NCOR2: variants seen among roughly 807,000 people sequenced by gnomAD.
NCOR2 encodes the protein CTG repeat protein 26.
In NCOR2, 81 loss-of-function variants were observed where a neutral mutation model predicts 262.9. The ratio of observed to expected loss-of-function variants is 0.31; its 90% CI spans 0.26 to 0.37. The LOEUF (loss-of-function observed/expected upper bound fraction) is 0.37. Ranked by LOEUF, NCOR2 falls within the 10% of genes least tolerant of loss-of-function variation. The pLI is 1.00. For synonymous variants in NCOR2, 1,659 were observed against 1,559.3 expected (o/e 1.06, Z -1.51); for missense variants, 3,385 against 3,621.4 (o/e 0.93, Z 1.68).
At chr12:124,327,569 G>A (rs2034786956) in exon 45 of NCOR2, 1 of 1,613,586 alleles carries the variant, frequency 6.2e-7, no homozygotes, top group Admixed American at 1.7e-5. Flanking sequence ...TTCTAATTAT[G>A]GCCTCCAGCC....
intron 1 of NCOR2, among the ~76,000 whole-genome samples, chr12:124,519,594 G>T (rs1314746248): frequency 6.6e-6 from 1 of 152,214 alleles, no homozygotes; most frequent in African/African-American, 2.4e-5. Flanking sequence ...TGAGGTCAGG[G>T]AGCTAATAGG....
chr12:124,350,697 C>T, exon 28 of NCOR2: 1 of 1,613,462 alleles, frequency 6.2e-7, no homozygotes, highest in East Asian at 2.2e-5. Flanking sequence ...GCCGATGATC[C>T]TGGTGATGGT....
At chr12:124,480,408 G>A (rs1037541397) in intron 3 of NCOR2, among the ~76,000 whole-genome samples, 8 of 152,218 alleles carry the variant, frequency 5.3e-5, no homozygotes, top group South Asian at 2.1e-4. Context: ...CTGGGGGACT[G>A]AAGCCTCTGG....
chr12:124,537,698 A>AC (rs2051157135), upstream of NCOR2: 1 of 151,428 alleles, frequency 6.6e-6, no homozygotes, highest in Non-Finnish European at 1.5e-5. Flanking sequence ...CATGACTCCT[A>AC]CCCCCACCCA....
At chr12:124,499,276 C>T (rs779426329), upstream of NCOR2, among the ~76,000 whole-genome samples, 19 of 152,344 alleles carry the variant, frequency 1.2e-4, no homozygotes, top group South Asian at 4.1e-4. Context: ...CAGACACAAA[C>T]GCCCCATGTC....
At chr12:124,330,750 C>CGAAG in intron 44 of NCOR2, 95 bp downstream of exon 46, 1 of 1,366,768 alleles carries the variant, frequency 7.3e-7, no homozygotes, top group Non-Finnish European at 1.0e-6. Flanking sequence ...CCCAGACTAG[C>CGAAG]GAAGGCTCCT....
chr12:124,474,493 G>T (rs1377618163), intron 3 of NCOR2, among the ~76,000 whole-genome samples: 2 of 152,138 alleles, frequency 1.3e-5, no homozygotes, highest in Non-Finnish European at 2.9e-5. Context: ...ACCAGCTAAA[G>T]TCTGGTGCAC....
chr12:124,534,686 T>C (rs2051032800), intron 1 of NCOR2, among the ~76,000 whole-genome samples: 1 of 152,134 alleles, frequency 6.6e-6, no homozygotes, highest in African/African-American at 2.4e-5. Context: ...GGCTGGGAAA[T>C]GAGCACTCCG....
chr12:124,494,587 T>C (rs1287213139), intron 1 of NCOR2, among the ~76,000 whole-genome samples: 2 of 152,126 alleles, frequency 1.3e-5, no homozygotes, highest in East Asian at 1.9e-4. Context: ...CCATCTGCCC[T>C]GGCCACAGGG....
At chr12:124,506,887 GT>G (rs2049072238) in intron 1 of NCOR2, among the ~76,000 whole-genome samples, 1 of 152,232 alleles carries the variant, frequency 6.6e-6, no homozygotes, top group Admixed American at 6.5e-5. Context: ...CCATGCCAGA[GT>G]GGGGCTCAGG....
chr12:124,515,448 A>T (rs1377350090), intron 1 of NCOR2, among the ~76,000 whole-genome samples: 1 of 151,998 alleles, frequency 6.6e-6, no homozygotes, highest in Non-Finnish European at 1.5e-5. Context: ...CAAGAATAAC[A>T]TCCTGAGACA....
At chr12:124,436,429 C>T (rs1018494100) in intron 8 of NCOR2, among the ~76,000 whole-genome samples, 12 of 152,230 alleles carry the variant, frequency 7.9e-5, no homozygotes, top group African/African-American at 1.2e-4. Context: ...GCCCTTGCCG[C>T]GTCTCTTATC....
chr12:124,327,347 G>T (rs1296476014), intron 45 of NCOR2, 62 bp downstream of exon 47: 21 of 1,326,432 alleles, frequency 1.6e-5, no homozygotes, highest in Non-Finnish European at 2.1e-5. Context: ...GCGCGGAGGA[G>T]CGAGGATTAA....
Position 124,424,574 on chromosome 12 carries a change from T to G in NCOR2, c.1329-2019A>C, listed in dbSNP as rs576274231. ...ATAATCAAAAGCTACTCTTAAAAAA[T>G]GTTTTCCACCAAAGACCCTCCTGGA... On this transcript the variant is annotated intron_variant, in intron 11 of 46. Transcript: ENST00000405201. 1.4e-4 allele frequency among the ~76,000 whole-genome samples: 22 copies of G among 152,210 alleles called. No individual in the cohort carries two copies. In the East Asian group the frequency reaches 2.5e-3, roughly 17 times the overall value.
At chr12:124,385,531 C>G (rs571246260) in intron 17 of NCOR2, among the ~76,000 whole-genome samples, 1 of 152,096 alleles carries the variant, frequency 6.6e-6, no homozygotes, top group Non-Finnish European at 1.5e-5. Context: ...TGGCCCGGCC[C>G]GTCTCCAAGG....
At chr12:124,403,958 A>C (rs2042125110) in intron 13 of NCOR2, among the ~76,000 whole-genome samples, 1 of 152,166 alleles carries the variant, frequency 6.6e-6, no homozygotes, top group Non-Finnish European at 1.5e-5. Context: ...GAAGGGGCAG[A>C]GTTGCCCGAC....
At chr12:124,325,106 C>T (rs920316053) in exon 47 of NCOR2, 9 of 275,658 alleles carry the variant, frequency 3.3e-5, no homozygotes, top group Non-Finnish European at 5.4e-5. Context: ...TGGCCGCCTG[C>T]GTGTGGCTGC....
At position 124,347,816 on chromosome 12, in the gene NCOR2, G is replaced by GGGC. The variant is rs1208616990; in HGVS notation, c.4072+6_4072+8dup. On this transcript the variant is annotated intron_variant, in intron 30 of 46. Coordinates refer to ENST00000405201, the Ensembl canonical transcript of NCOR2. ...GGGGGCAACGAGGGAGCAGGGAACAGGGCAGTACCTTGTGTGATGGACCCG... is the reference window on the plus strand; with the variant it reads ...GGGGGCAACGAGGGAGCAGGGAACAGGGCGGCAGTACCTTGTGTGATGGACCCG... 1.3e-6 allele frequency: 2 copies of GGGC among 1,558,874 alleles called. No homozygotes were observed. The highest frequency in any genetic ancestry group is 1.9e-5 in the Admixed American group (1 of 51,832).
Position 124,372,173 on chromosome 12 carries a change from T to G in NCOR2, c.2656A>C (p.Thr886Pro). ...TCTGCCTTGAGCGCCCCCTCGGCCG[T>G]GGCCTCAGCGGCCTCCGCGTCCTTG... is the stretch of plus-strand genomic sequence containing the variant. The change falls in exon 20 of 47, where the codon ACG becomes CCG. Residue 886 changes from threonine (T) to proline (P), a missense_variant. This residue lies in a region of NCOR2 where 1,615 missense variants were observed against 1,626.9 expected (regional missense o/e 0.99). Coordinates refer to ENST00000405201, the Ensembl canonical transcript of NCOR2. 2.5e-6 allele frequency: 4 copies of G among 1,601,518 alleles called. No individual in the cohort carries two copies. In the South Asian group the frequency reaches 3.3e-5, roughly 13 times the overall value.
Sources: allele counts gnomAD v4.1 joint callset (sites outside exome capture counted in the v4.1 genomes callset), GRCh38; gene constraint gnomAD v4.1.1; regional missense constraint gnomAD v4.1.1; transcripts MANE v1.5; gene names NCBI Gene and HGNC (gene_info 2026-07-23, HGNC 2026-07-21).